The following CNKSR2 variants were observed in gnomAD, a reference collection of about 807,000 sequenced individuals.
CNKSR2 encodes CNK homolog protein 2.
Under a neutral mutation model 84.4 loss-of-function variants are expected in CNKSR2, and 14 were observed. That is an observed-to-expected ratio of 0.17 (90% confidence interval 0.11 to 0.26). CNKSR2 has a LOEUF of 0.26. CNKSR2 is among the 10% of genes least tolerant of loss of function. CNKSR2 has a pLI of 1.00. For synonymous variants in CNKSR2, 275 were observed against 277.9 expected, an observed-to-expected ratio of 0.99 and a Z score of 0.10; for missense variants, 485 against 771.2, an observed-to-expected ratio of 0.63 and a Z score of 4.40.
chrX:21,556,878 A>G (rs2092144782), intron 11 of CNKSR2, among the ~76,000 whole-genome samples: 1 of 110,436 alleles, frequency 9.1e-6, no homozygotes, highest in African/African-American at 3.3e-5. Context: ...CGATTGGAGA[A>G]ATTACAGCAT....
intron 8 of CNKSR2, among the ~76,000 whole-genome samples, chrX:21,514,360 G>A (rs2091705453): frequency 9.0e-6 from 1 of 111,513 alleles, no homozygotes. Context: ...ATAATAAAAG[G>A]CTGATTTAAA....
intron 14 of CNKSR2, 190 bp from the exon 15 acceptor site, chrX:21,590,828 GTGTT>G (rs1204364353): frequency 4.4e-6 from 2 of 455,345 alleles, no homozygotes; most frequent in African/African-American, 4.9e-5. Flanking sequence ...TTTGAGAGTG[GTGTT>G]ACATATTTCT....
At chrX:21,553,791 C>T (rs999671226) in intron 11 of CNKSR2, among the ~76,000 whole-genome samples, 5 of 111,579 alleles carry the variant, frequency 4.5e-5, no homozygotes, top group African/African-American at 1.6e-4. Flanking sequence ...AACTAGACTG[C>T]TTTAATTTGC....
intron 11 of CNKSR2, among the ~76,000 whole-genome samples, chrX:21,559,234 C>T (rs1288100869): frequency 9.1e-6 from 1 of 110,185 alleles, no homozygotes; most frequent in Non-Finnish European, 1.9e-5. Flanking sequence ...CAATTTATTG[C>T]AAAGGACAAA....
intron 15 of CNKSR2, 108 bp from the exon 16 acceptor site, chrX:21,594,866 A>C (rs1386620765): frequency 7.6e-6 from 4 of 528,420 alleles, no homozygotes. Flanking sequence ...AATTTAAGGA[A>C]TTAAAGGAAC....
chrX:21,374,826 G>A lies in CNKSR2; in HGVS notation c.-72G>A. The A allele has an allele frequency of 9.3e-6, 9 of 966,782 alleles. No individual in the cohort carries two copies. Among genetic ancestry groups the A allele is most frequent in the Non-Finnish European group, 1.3e-5 (9 of 672,062 alleles). 79.7% of individuals were successfully genotyped at this position (966,782 alleles called of 1,213,427 possible). A position where few individuals can be genotyped will look rare whatever the true frequency, so the allele number is the denominator to read the frequency against. On this transcript the variant is annotated 5_prime_UTR_variant, in exon 1 of 22. Transcript: ENST00000379510. ...CTGCGGCCAGCAAGGGACCCCACCT[G>A]AGAGCAGCTCGGGCTGCTGAGTTCG...
chrX:21,437,441 A>G (rs1267981814), intron 3 of CNKSR2, among the ~76,000 whole-genome samples: 6 of 73,032 alleles, frequency 8.2e-5, no homozygotes, highest in African/African-American at 2.3e-4. Context: ...TTTTTTTTTG[A>G]GACAGTCTCA....
intron 20 of CNKSR2, among the ~76,000 whole-genome samples, chrX:21,638,120 C>T (rs1423540117): frequency 9.0e-6 from 1 of 111,706 alleles, no homozygotes; most frequent in Non-Finnish European, 1.9e-5. Context: ...ATTTTCTTCT[C>T]TTTCATTCAT....
At chrX:21,452,276 T>C (rs1345291960) in intron 4 of CNKSR2, among the ~76,000 whole-genome samples, 5 of 110,780 alleles carry the variant, frequency 4.5e-5, no homozygotes, top group Admixed American at 9.6e-5. Context: ...GTGTTTTTAG[T>C]AGAGACGGAG....
chrX:21,490,624 G>A (rs1014618702), intron 6 of CNKSR2, 46 bp downstream of exon 6: 2 of 1,145,683 alleles, frequency 1.7e-6, no homozygotes, highest in Non-Finnish European at 2.3e-6. Context: ...TCAGTAGAGA[G>A]CTAATGATGT....
intron 4 of CNKSR2, among the ~76,000 whole-genome samples, chrX:21,442,643 G>T (rs778853004): frequency 8.9e-6 from 1 of 111,804 alleles, no homozygotes; most frequent in South Asian, 3.7e-4. Flanking sequence ...TTGGACAAAC[G>T]ATGTCATTGT....
chrX:21,438,603 T>C (rs1172045116), intron 3 of CNKSR2, among the ~76,000 whole-genome samples: 1 of 111,005 alleles, frequency 9.0e-6, no homozygotes, highest in East Asian at 2.8e-4. Flanking sequence ...AGAAAAAATA[T>C]AGGCAAAAAT....
intron 20 of CNKSR2, among the ~76,000 whole-genome samples, chrX:21,628,455 C>A (rs1214618046): frequency 8.9e-6 from 1 of 111,782 alleles, no homozygotes; most frequent in Non-Finnish European, 1.9e-5. Context: ...ACCGCCCTAG[C>A]AGAGGTTCTC....
chrX:21,490,352 T>G, intron 5 of CNKSR2, 107 bp from the exon 6 acceptor site: 2 of 800,013 alleles, frequency 2.5e-6, no homozygotes, highest in Non-Finnish European at 1.8e-6. Context: ...GCCAGTTACT[T>G]TCTTCTACTG....
Position 21,563,464 on chromosome X carries a change from T to G in CNKSR2, c.1608+12T>G. On this transcript the variant is annotated intron_variant, in intron 13 of 21. Coordinates refer to ENST00000379510, the MANE Select transcript of CNKSR2 (RefSeq NM_014927.5). ...CCACACTATACCATGTAAGTAAAAT[T>G]TCAAAGACTCTTCAATACAGCTTTT... 1.7e-6 allele frequency: 2 copies of G among 1,144,959 alleles called. No homozygotes were observed. Among genetic ancestry groups the G allele is most frequent in the South Asian group, 3.8e-5 (2 of 52,190 alleles). The allele number at this position is 1,144,959 out of a possible 1,213,427, so 94.4% of individuals were successfully genotyped here.
At chrX:21,502,768 C>G (rs758473203) in intron 8 of CNKSR2, among the ~76,000 whole-genome samples, 3 of 111,273 alleles carry the variant, frequency 2.7e-5, no homozygotes, top group Non-Finnish European at 5.7e-5. Context: ...GTGGGTGTAC[C>G]TTTGACACTG....
At chrX:21,448,032 G>GA (rs1049390924) in intron 4 of CNKSR2, among the ~76,000 whole-genome samples, 1 of 111,083 alleles carries the variant, frequency 9.0e-6, no homozygotes, top group African/African-American at 3.3e-5. Context: ...TATGAGGTGG[G>GA]AAAAAATGCA....
chrX:21,404,368 G>A (rs745804842), intron 1 of CNKSR2, among the ~76,000 whole-genome samples: 34 of 111,264 alleles, frequency 3.1e-4, no homozygotes, highest in Non-Finnish European at 5.9e-4. Context: ...GTGGCTACTC[G>A]TTGTATCTTG....
chrX:21,394,156 T>C (rs1376977807), intron 1 of CNKSR2, among the ~76,000 whole-genome samples: 1 of 111,941 alleles, frequency 8.9e-6, no homozygotes, highest in African/African-American at 3.2e-5. Flanking sequence ...ATAATTAATA[T>C]ATAGTCCAGG....
Sources: gnomAD v4.1 joint callset for allele counts (sites outside exome capture counted in the v4.1 genomes callset) on GRCh38, gnomAD v4.1.1 for gene constraint, MANE v1.5 for transcripts, NCBI Gene and HGNC (gene_info 2026-07-23, HGNC 2026-07-21) for gene names.